Variants in THOC6 observed in about 807,000 individuals in gnomAD.
THOC6 encodes THO complex subunit 6, also known as THO complex 6.
Under a neutral mutation model 55.8 loss-of-function variants are expected in THOC6, and 39 were observed. That is an observed-to-expected ratio of 0.70 (90% CI 0.54 to 0.91). The LOEUF (loss-of-function observed/expected upper bound fraction) is 0.91. THOC6 is among the 40% of genes least tolerant of loss of function. The pLI, the probability that THOC6 is intolerant of heterozygous loss-of-function variation, is 0.00. For synonymous variants in THOC6, 192 were observed against 175.6 expected, an observed-to-expected ratio of 1.09 and a Z score of -0.74; for missense variants, 482 against 442.0, an observed-to-expected ratio of 1.09 and a Z score of -0.81.
Position 3,026,605 on chromosome 16 carries a change from G to A in THOC6, c.483+18G>A. Reference sequence around the variant, plus strand: ...CTTTCACGGTGAGCAGGGTCCTGGAGCCCTAGAGCAGGTCTAGGTCAGGGA... The same window carrying A: ...CTTTCACGGTGAGCAGGGTCCTGGAACCCTAGAGCAGGTCTAGGTCAGGGA... On this transcript the variant is annotated intron_variant, in intron 7 of 12. Coordinates refer to ENST00000326266, the MANE Select transcript of THOC6 (RefSeq NM_024339.5). 3 of 1,613,720 alleles carry A rather than the reference G, an allele frequency of 1.9e-6. No homozygotes were observed. The highest frequency in any genetic ancestry group is 1.3e-5 in the African/African-American group (1 of 75,028).
Position 3,024,300 on chromosome 16 carries a change from A to T in THOC6, c.-27A>T, listed in dbSNP as rs759110868. 1.9e-6 allele frequency: 3 copies of T among 1,613,842 alleles called. No individual in the cohort carries two copies. The highest frequency in any genetic ancestry group is 2.5e-6 in the Non-Finnish European group (3 of 1,179,940). On this transcript the variant is annotated 5_prime_UTR_variant, in exon 1 of 13. Coordinates refer to ENST00000326266, the MANE Select transcript of THOC6 (RefSeq NM_024339.5). ...CCTCGTGAGGTTGCGTCGCGCGCGG[A>T]GCACTCTGGGACTTGTAGTTCTGGA...
In THOC6 at chr16:3,027,654, C is replaced by A; in HGVS notation, c.1023C>A (p.Phe341Leu). The A allele has an allele frequency of 6.2e-7, 1 of 1,613,834 alleles. No homozygotes were observed. The highest frequency in any genetic ancestry group is 8.5e-7 in the Non-Finnish European group (1 of 1,179,938). ...GTTACCGAGCCTTCTCCCTGTCCTT[C>A]TGATCTCTGACGACACCCCCAGCCA... Reference protein sequence around the residue: ...NLGYRAFSLSF With the variant: ...NLGYRAFSLSL The change falls in exon 13 of 13, where the codon TTC (phenylalanine) becomes TTA (leucine). Residue 341 changes from phenylalanine to leucine, a missense_variant. Physicochemically the swap from Phe to Leu is conservative, Grantham distance 22. Transcript: ENST00000326266.
At position 3,027,360 on chromosome 16, in the gene THOC6, C is replaced by G; in HGVS notation, c.811-6C>G. 1.9e-6 allele frequency: 3 copies of G among 1,613,254 alleles called. No homozygotes were observed. The highest frequency in any genetic ancestry group is 2.5e-6 in the Non-Finnish European group (3 of 1,179,472). On this transcript the variant is annotated splice_region_variant and splice_polypyrimidine_tract_variant and intron_variant, in intron 11 of 12. Transcript: ENST00000326266. ...GACCCCTGAGCACCTTCCCTGTCCT[C>G]TGCAGATTCTGTCAGCTGGCCAGGG...
Position 3,027,209 on chromosome 16 carries a change from C to A in THOC6, c.739C>A (p.Arg247=). The change falls in exon 11 of 13, where the codon CGA becomes AGA. Residue 247 remains arginine, a synonymous_variant. Transcript: ENST00000326266. The part of the protein sequence containing the change: ...GGPALTLWHL[R]SSTPTTIFPI... The stretch of plus-strand genomic sequence containing the variant: ...CCCAGCCCTCACCCTCTGGCACCTC[C>A]GATCCTCCACACCCACCACCATCTT... 1 of 1,614,130 alleles carries A rather than the reference C, an allele frequency of 6.2e-7. No homozygotes were observed. The highest frequency in any genetic ancestry group is 8.5e-7 in the Non-Finnish European group (1 of 1,180,024).
chr16:3,027,719 T>C lies in THOC6; in HGVS notation c.*62T>C, dbSNP rs1461697097. On this transcript the variant is annotated 3_prime_UTR_variant, in exon 13 of 13. Transcript: ENST00000326266. ...AGTGTTTTTCATTTTCTTTTTTTTT[T>C]TTTTTTTACAATAAAGTTTCAGGCT... 11 of 1,540,932 alleles carry C rather than the reference T, an allele frequency of 7.1e-6. No homozygotes were observed. The highest frequency in any genetic ancestry group is 5.6e-5 in the African/African-American group (4 of 71,530).
At chr16:3,025,055 G>A (rs1307657647) in intron 1 of THOC6, among the ~76,000 whole-genome samples, 1 of 148,246 alleles carries the variant, frequency 6.7e-6, no homozygotes, top group Non-Finnish European at 1.5e-5. Flanking sequence ...CAATTCTCCT[G>A]CCTCAGCCTC....
At position 3,026,848 on chromosome 16, in the gene THOC6, C is replaced by T; in HGVS notation, c.587-19C>T. 1 of 1,614,194 alleles carries T rather than the reference C, an allele frequency of 6.2e-7. No homozygotes were observed. Among genetic ancestry groups the T allele is most frequent in the Non-Finnish European group, 8.5e-7 (1 of 1,180,032 alleles). ...AGGCTGAGGCAAGTGGGGCACCACT[C>T]ACAGTTCTTTCCCCGCAGACCTGCG... On this transcript the variant is annotated intron_variant, in intron 8 of 12. Transcript: ENST00000326266.
In THOC6 at chr16:3,027,288, CCT is replaced by C. The variant is rs775847172; in HGVS notation, c.810+9_810+10del. 20 of 1,614,080 alleles carry C rather than the reference CCT, an allele frequency of 1.2e-5. No homozygotes were observed. The highest frequency in any genetic ancestry group is 1.7e-5 in the Non-Finnish European group (20 of 1,180,046). On this transcript the variant is annotated intron_variant, in intron 11 of 12. Transcript: ENST00000326266. ...ACCTTCTACCAGGACCTGGTGAGGC[CCT>C]GTGTCTCACTTCTGCCACCCCCACT... is the stretch of plus-strand genomic sequence containing the variant.
rs373588128 is a variant in THOC6, at chr16:3,027,153, C to G, written c.700-17C>G. 177 of 1,614,166 alleles carry G rather than the reference C, an allele frequency of 1.1e-4. 1 individual carries two copies. The highest frequency in any genetic ancestry group is 1.4e-4 in the Non-Finnish European group (169 of 1,180,016). On this transcript the variant is annotated splice_polypyrimidine_tract_variant and intron_variant, in intron 10 of 12. Transcript: ENST00000326266. ...GGCCTGTGGTTCACAGCTGGGGACTCCCACCTTTCTGTCCAGGTCTGTGGA... is the reference window on the plus strand; with the variant it reads ...GGCCTGTGGTTCACAGCTGGGGACTGCCACCTTTCTGTCCAGGTCTGTGGA...
chr16:3,027,744 T>A lies in THOC6; in HGVS notation c.*87T>A. On this transcript the variant is annotated 3_prime_UTR_variant, in exon 13 of 13. Transcript: ENST00000326266. ...TTTTTTTTACAATAAAGTTTCAGGC[T>A]TTTTTACCATGCTCTTTCTTTCTAT... The A allele has an allele frequency of 7.1e-7, 1 of 1,411,408 alleles. No individual in the cohort carries two copies. Among genetic ancestry groups the A allele is most frequent in the South Asian group, 1.4e-5 (1 of 73,534 alleles). 87.4% of individuals were successfully genotyped at this position (1,411,408 alleles called of 1,614,324 possible).
rs541465639 is a variant in THOC6, at chr16:3,024,695, C to T, written c.39+330C>T. The stretch of plus-strand genomic sequence containing the variant: ...TGTCACCTAGGCTAGAGTGCAGTGG[C>T]GCGATCTCAGCTCACTGCAACCTCC... On this transcript the variant is annotated intron_variant, in intron 1 of 12. Transcript: ENST00000326266. 2.4e-3 allele frequency among the ~76,000 whole-genome samples: 335 copies of T among 137,668 alleles called. 1 individual carries two copies. The highest frequency in any genetic ancestry group is 3.7e-3 in the Non-Finnish European group (244 of 66,020). 90.3% of individuals were successfully genotyped at this position (137,668 alleles called of 152,430 possible).
chr16:3,026,088 G>A lies in THOC6; in HGVS notation c.246G>A (p.Met82Ile), dbSNP rs1268684135. 1 of 1,610,078 alleles carries A rather than the reference G, an allele frequency of 6.2e-7. No homozygotes were observed. The highest frequency in any genetic ancestry group is 8.5e-7 in the Non-Finnish European group (1 of 1,177,018). ...CCCATGATGGGCCCGTCTATAGCATGGTTTCCACCGATCGACATCTGCTTA... is the reference window on the plus strand; with the variant it reads ...CCCATGATGGGCCCGTCTATAGCATAGTTTCCACCGATCGACATCTGCTTA... ...FQAHDGPVYSMVSTDRHLLSA... is the reference protein window; with the variant it reads ...FQAHDGPVYSIVSTDRHLLSA... Residue 82 changes from methionine to isoleucine, a missense_variant, in exon 4 of 13, where the codon ATG becomes ATA. Transcript: ENST00000326266.
rs754405872 is a variant in THOC6 at position 3,027,607 on chromosome 16, G to T, written c.976G>T (p.Val326Leu). 1 of 1,614,168 alleles carries T rather than the reference G, an allele frequency of 6.2e-7. No homozygotes were observed. Among genetic ancestry groups the T allele is most frequent in the Non-Finnish European group, 8.5e-7 (1 of 1,180,012 alleles). ...VLTAAGNSCR[V>L]DVFTNLGYRA... ...GACAGCTGCAGGCAACAGCTGCCGGGTGGATGTCTTCACCAACCTGGGTTA... is the reference window on the plus strand; with the variant it reads ...GACAGCTGCAGGCAACAGCTGCCGGTTGGATGTCTTCACCAACCTGGGTTA... The change falls in exon 13 of 13, where the codon GTG becomes TTG. Residue 326 changes from valine (V) to leucine (L), a missense_variant. By Grantham distance (32) the Val-to-Leu change is conservative. Coordinates refer to ENST00000326266, the MANE Select transcript of THOC6 (RefSeq NM_024339.5).
rs143071947 is a variant in THOC6 at position 3,025,796 on chromosome 16, A to G, written c.128A>G (p.Asn43Ser). ...SPCGKFLAAG[N>S]NYGQIAIFSL... ...TGTGGGAAGTTTCTGGCGGCTGGCA[A>G]CAATTACGGGCAGATTGCCATCTTC... Residue 43 changes from asparagine (N) to serine (S), a missense_variant, in exon 2 of 13, where the codon AAC (asparagine) becomes AGC (serine). Coordinates refer to ENST00000326266, the MANE Select transcript of THOC6 (RefSeq NM_024339.5). 8 of 1,614,204 alleles carry G rather than the reference A, an allele frequency of 5.0e-6. No individual in the cohort carries two copies. In the African/African-American group the frequency reaches 9.3e-5, roughly 19 times the overall value.
At position 3,026,060 on chromosome 16, in the gene THOC6, T is replaced by C. The variant is rs370551980; in HGVS notation, c.221-3T>C. 8.1e-6 allele frequency: 13 copies of C among 1,612,850 alleles called. No homozygotes were observed. In the African/African-American group the frequency reaches 9.3e-5, roughly 12 times the overall value. Reference sequence around the variant, plus strand: ...GCTCACTCAGTTCTGCATTTCTCTTTAGCCCATGATGGGCCCGTCTATAGC... The same window carrying C: ...GCTCACTCAGTTCTGCATTTCTCTTCAGCCCATGATGGGCCCGTCTATAGC... On this transcript the variant is annotated splice_polypyrimidine_tract_variant and splice_region_variant and intron_variant, in intron 3 of 12. Transcript: ENST00000326266.
In THOC6 at chr16:3,026,390, A is replaced by G; in HGVS notation, c.388A>G (p.Asn130Asp). 1 of 1,614,074 alleles carries G rather than the reference A, an allele frequency of 6.2e-7. No homozygotes were observed. Among genetic ancestry groups the G allele is most frequent in the Non-Finnish European group, 8.5e-7 (1 of 1,180,016 alleles). Residue 130 changes from asparagine (N) to aspartate (D), a missense_variant, in exon 6 of 13, where the codon AAC becomes GAC. Transcript: ENST00000326266. ...GACCAGCCTGGAAGTGCCTGAGATC[A>G]ACGCTTTGCTGCTGGTCCCCAAGGT... is the stretch of plus-strand genomic sequence containing the variant. The part of the protein sequence containing the change: ...YRTSLEVPEI[N>D]ALLLVPKENS...
rs1200385954 is a variant in THOC6, at chr16:3,027,571, C to T, written c.946-6C>T. On this transcript the variant is annotated splice_region_variant and splice_polypyrimidine_tract_variant and intron_variant, in intron 12 of 12. Transcript: ENST00000326266. ...GGCAGGCCAGTCATGCCCCTCTTTC[C>T]TCCAGGTCCTGACAGCTGCAGGCAA... 6.2e-7 allele frequency: 1 copy of T among 1,613,718 alleles called. No homozygotes were observed. Among genetic ancestry groups the T allele is most frequent in the Non-Finnish European group, 8.5e-7 (1 of 1,179,940 alleles).
rs747076054 is a variant in THOC6 at position 3,024,337 on chromosome 16, C to T, written c.11C>T (p.Ala4Val). ...CTTGTAGTTCTGGAGATGGAGCGAG[C>T]TGTGCCGCTCGCGGTGCCTCTGGGT... MER[A>V]VPLAVPLGQT... The change falls in exon 1 of 13, where the codon GCT (alanine) becomes GTT (valine). Residue 4 changes from alanine (A) to valine (V), a missense_variant. By Grantham distance (64) the Ala-to-Val change is moderately conservative (BLOSUM62 0). Coordinates refer to ENST00000326266, the MANE Select transcript of THOC6 (RefSeq NM_024339.5). The T allele has an allele frequency of 2.9e-5, 47 of 1,614,016 alleles. No individual in the cohort carries two copies. The highest frequency in any genetic ancestry group is 3.7e-5 in the Non-Finnish European group (44 of 1,180,006).
rs777197896 is a variant in THOC6, at chr16:3,024,290, T to C, written c.-37T>C. On this transcript the variant is annotated 5_prime_UTR_variant, in exon 1 of 13. Transcript: ENST00000326266. The stretch of plus-strand genomic sequence containing the variant: ...GCACGTAAGGCCTCGTGAGGTTGCG[T>C]CGCGCGCGGAGCACTCTGGGACTTG... 9.3e-6 allele frequency: 15 copies of C among 1,613,914 alleles called. No homozygotes were observed. The South Asian group carries it at 1.5e-4, about 17-fold the overall frequency.
Sources: gnomAD v4.1 joint callset for allele counts (sites outside exome capture counted in the v4.1 genomes callset) on GRCh38, gnomAD v4.1.1 for gene constraint, MANE v1.5 for transcripts, NCBI Gene and HGNC (gene_info 2026-07-23, HGNC 2026-07-21) for gene names.